The following ARHGAP6 variants were observed in gnomAD, a reference collection of about 807,000 sequenced individuals.
ARHGAP6 encodes the protein Rho GTPase activating protein 6.
ARHGAP6 carries 16 observed loss-of-function variants against 55.7 expected under a neutral mutation model. That is an observed-to-expected ratio of 0.29 (90% CI 0.19 to 0.44). The LOEUF (loss-of-function observed/expected upper bound fraction) is 0.44, where lower values mean the gene tolerates loss of function less well. Among genes scored for constraint, ARHGAP6 ranks in the 20% least tolerant of loss-of-function variants. The probability of loss-of-function intolerance (pLI) is 1.00; values close to 1 mark genes in which losing one functional copy is unlikely to be tolerated. For synonymous variants in ARHGAP6, 382 were observed against 360.9 expected, an observed-to-expected ratio of 1.06 and a Z score of -0.66; for missense variants, 698 against 808.9, an observed-to-expected ratio of 0.86 and a Z score of 1.66.
chrX:11,629,161 A>C (rs1780250567), intron 1 of ARHGAP6, among the ~76,000 whole-genome samples: 1 of 112,090 alleles, frequency 8.9e-6, no homozygotes, highest in Admixed American at 9.5e-5. Context: ...CACCACCTTC[A>C]TCTGCCATTA....
At chrX:11,278,647 C>T (rs1013005316) in intron 1 of ARHGAP6, among the ~76,000 whole-genome samples, 3 of 111,573 alleles carry the variant, frequency 2.7e-5, no homozygotes, top group Non-Finnish European at 5.6e-5. Flanking sequence ...TTTATGCCTG[C>T]AAGGGACACA....
At chrX:11,394,271 A>G (rs2049449567) in intron 1 of ARHGAP6, among the ~76,000 whole-genome samples, 2 of 112,120 alleles carry the variant, frequency 1.8e-5, no homozygotes, top group Non-Finnish European at 3.8e-5. Flanking sequence ...AAAGAAGTCA[A>G]TCACAAAAGA....
chrX:11,491,301 G>A (rs189997464), intron 1 of ARHGAP6, among the ~76,000 whole-genome samples: 51 of 111,181 alleles, frequency 4.6e-4, no homozygotes, highest in African/African-American at 1.3e-3. Flanking sequence ...CCATGCTGGC[G>A]TGCTGCACCC....
chrX:11,418,115 T>A (rs1351491172), intron 1 of ARHGAP6, among the ~76,000 whole-genome samples: 3 of 111,992 alleles, frequency 2.7e-5, no homozygotes, highest in African/African-American at 9.8e-5. Context: ...CACAATATAG[T>A]CCCTGGTTCT....
At chrX:11,388,318 T>A (rs1159691364) in intron 1 of ARHGAP6, among the ~76,000 whole-genome samples, 2 of 112,209 alleles carry the variant, frequency 1.8e-5, no homozygotes, top group Non-Finnish European at 3.8e-5. Context: ...TGATGAGCAT[T>A]TTTTCATGTG....
Position 11,159,786 on chromosome X carries a change from C to T in ARHGAP6, c.1810-3160G>A, listed in dbSNP as rs2045915962. On this transcript the variant is annotated intron_variant, in intron 9 of 12. Coordinates refer to ENST00000337414, the MANE Select transcript of ARHGAP6 (RefSeq NM_013427.3). ...ATGGTATTTAAAACCCTGTGACCAG[C>T]TGCAGTGGCCTGGGTATGAAAATGG... Among the ~76,000 whole-genome samples the T allele has an allele frequency of 3.6e-5, 4 of 111,131 alleles. No individual in the cohort carries two copies. The Admixed American group carries it at 3.8e-4, about 11-fold the overall frequency.
At chrX:11,346,649 C>T (rs1476101965) in intron 1 of ARHGAP6, among the ~76,000 whole-genome samples, 2 of 107,791 alleles carry the variant, frequency 1.9e-5, no homozygotes, top group East Asian at 5.8e-4. Context: ...GTGGAGGTTT[C>T]AGTAAGCTGA....
chrX:11,318,565 A>T (rs1336951011), intron 1 of ARHGAP6: 1 of 111,941 alleles, frequency 8.9e-6, no homozygotes, highest in African/African-American at 3.2e-5. Context: ...TTACTTATTC[A>T]TCCCCATTGT....
chrX:11,236,458 A>G (rs1221228924), intron 2 of ARHGAP6, among the ~76,000 whole-genome samples: 1 of 111,050 alleles, frequency 9.0e-6, no homozygotes, highest in Non-Finnish European at 1.9e-5. Flanking sequence ...TCTAACCTCT[A>G]CCTTACGCTG....
chrX:11,459,829 T>G lies in ARHGAP6; in HGVS notation c.588+204412A>C, dbSNP rs1278942314. Among the ~76,000 whole-genome samples the G allele has an allele frequency of 2.7e-5, 3 of 111,821 alleles. No homozygotes were observed. In the East Asian group the frequency reaches 8.4e-4, roughly 31 times the overall value. ...TTAACTCCCTTACTTTTCCTTGAGG[T>G]GTGACTTACATGGTCTATTTAATAT... is the stretch of plus-strand genomic sequence containing the variant. On this transcript the variant is annotated intron_variant, in intron 1 of 12. Coordinates refer to ENST00000337414, the MANE Select transcript of ARHGAP6 (RefSeq NM_013427.3).
chrX:11,458,983 G>A (rs2050219228), intron 1 of ARHGAP6, among the ~76,000 whole-genome samples: 2 of 110,703 alleles, frequency 1.8e-5, no homozygotes, highest in Non-Finnish European at 3.8e-5. Context: ...ATGTGGTCAG[G>A]GTAGGCTTCA....
chrX:11,659,660 A>G (rs756946276), intron 1 of ARHGAP6, among the ~76,000 whole-genome samples: 24 of 111,985 alleles, frequency 2.1e-4, no homozygotes, highest in Middle Eastern at 4.6e-3. Context: ...GGTGAGCCCA[A>G]TGTAATCACA....
intron 1 of ARHGAP6, among the ~76,000 whole-genome samples, chrX:11,331,555 T>C (rs1163818687): frequency 9.0e-6 from 1 of 111,676 alleles, no homozygotes; most frequent in Non-Finnish European, 1.9e-5. Flanking sequence ...CTTGACTCCC[T>C]TAGAGTTAGT....
chrX:11,232,234 G>A (rs1232698807), intron 2 of ARHGAP6, among the ~76,000 whole-genome samples: 2 of 111,459 alleles, frequency 1.8e-5, no homozygotes, highest in African/African-American at 3.3e-5. Flanking sequence ...CTTTATCCCC[G>A]TCAACCCTGC....
At chrX:11,648,433 A>C (rs2052552015) in intron 1 of ARHGAP6, among the ~76,000 whole-genome samples, 1 of 111,908 alleles carries the variant, frequency 8.9e-6, no homozygotes, top group African/African-American at 3.2e-5. Context: ...ACTACTACTT[A>C]TTTTCCCTAC....
At chrX:11,466,805 C>A (rs1381091493) in intron 1 of ARHGAP6, among the ~76,000 whole-genome samples, 1 of 112,052 alleles carries the variant, frequency 8.9e-6, no homozygotes, top group African/African-American at 3.2e-5. Context: ...CACCCAAACA[C>A]AAGGGGCATT....
chrX:11,266,033 C>CTGTGCCTGTG (rs1491181805), intron 1 of ARHGAP6: 13 of 163,675 alleles, frequency 7.9e-5, no homozygotes, highest in African/African-American at 7.2e-4. Context: ...GCGTGTGTGC[C>CTGTGCCTGTG]TGTGTGTGTG....
intron 1 of ARHGAP6, among the ~76,000 whole-genome samples, chrX:11,453,249 A>G (rs868392690): frequency 1.0e-5 from 1 of 95,785 alleles, no homozygotes; most frequent in African/African-American, 3.7e-5. Context: ...ATATATACAT[A>G]ATATATATAT....
chrX:11,549,806 C>T (rs1038169036), intron 1 of ARHGAP6, among the ~76,000 whole-genome samples: 3 of 112,349 alleles, frequency 2.7e-5, no homozygotes, highest in African/African-American at 9.7e-5. Flanking sequence ...TGTTTAGAAA[C>T]GTTTATAGCA....
Sources: allele counts gnomAD v4.1 joint callset (sites outside exome capture counted in the v4.1 genomes callset), GRCh38; gene constraint gnomAD v4.1.1; transcripts MANE v1.5; gene names NCBI Gene and HGNC (gene_info 2026-07-23, HGNC 2026-07-21).